Variants in C12orf42 observed in about 807,000 individuals in gnomAD.
C12orf42 encodes the protein uncharacterized protein C12orf42.
In C12orf42, 25 loss-of-function variants were observed where a neutral mutation model predicts 21.6. That is an observed-to-expected ratio of 1.16 (90% CI 0.84 to 1.62). The LOEUF (loss-of-function observed/expected upper bound fraction) is 1.62. Among genes scored for constraint, C12orf42 ranks in the 40% most tolerant of loss-of-function variants. C12orf42 has a pLI of 0.00. For synonymous variants in C12orf42, 174 were observed against 175.0 expected, an observed-to-expected ratio of 0.99 and a Z score of 0.05; for missense variants, 483 against 459.3, an observed-to-expected ratio of 1.05 and a Z score of -0.47.
chr12:103,129,666 A>G, the C12orf42 span, among the ~76,000 whole-genome samples: 1 of 152,120 alleles, frequency 6.6e-6, no homozygotes, highest in Non-Finnish European at 1.5e-5. Flanking sequence ...TTAAACACTC[A>G]TTTAAGGCAT....
intron 2 of C12orf42, among the ~76,000 whole-genome samples, chr12:103,469,418 C>T (rs1303945854): frequency 2.0e-5 from 3 of 152,206 alleles, no homozygotes; most frequent in African/African-American, 4.8e-5. Context: ...ATCTAGACAT[C>T]TTGATGCAGT....
At chr12:103,188,420 T>C in the C12orf42 span, among the ~76,000 whole-genome samples, 1 of 152,198 alleles carries the variant, frequency 6.6e-6, no homozygotes, top group Admixed American at 6.5e-5. Flanking sequence ...ATATTTGTTG[T>C]CTTTTCTTTC....
the C12orf42 span, among the ~76,000 whole-genome samples, chr12:103,506,865 T>TTAA: frequency 1.5e-5 from 1 of 67,290 alleles, no homozygotes; most frequent in Non-Finnish European, 2.7e-5. Context: ...ATATTATATA[T>TTAA]ATATATTTAT....
At chr12:103,317,668 A>G (rs866195575) in intron 4 of C12orf42, among the ~76,000 whole-genome samples, 19 of 152,042 alleles carry the variant, frequency 1.2e-4, no homozygotes, top group Admixed American at 3.9e-4. Flanking sequence ...GTCTTCTCCA[A>G]TTTTAATAAG....
the C12orf42 span, among the ~76,000 whole-genome samples, chr12:103,139,030 C>T: frequency 1.3e-5 from 2 of 152,130 alleles, no homozygotes; most frequent in Non-Finnish European, 2.9e-5. Flanking sequence ...GAACAGTGCC[C>T]TTGTCTTGTG....
chr12:103,169,100 G>A, the C12orf42 span, among the ~76,000 whole-genome samples: 3 of 151,736 alleles, frequency 2.0e-5, no homozygotes, highest in Admixed American at 6.6e-5. Flanking sequence ...CATGGCATGT[G>A]TATACCTATG....
At chr12:103,453,305 C>G (rs1952074974) in intron 2 of C12orf42, among the ~76,000 whole-genome samples, 1 of 151,408 alleles carries the variant, frequency 6.6e-6, no homozygotes, top group South Asian at 2.1e-4. Context: ...TTATATTATT[C>G]TAGAATTTTT....
At chr12:103,462,503 G>A (rs1952806173) in intron 2 of C12orf42, among the ~76,000 whole-genome samples, 1 of 152,104 alleles carries the variant, frequency 6.6e-6, no homozygotes, top group Admixed American at 6.6e-5. Flanking sequence ...TAACATCATA[G>A]GTGGTTGCTG....
chr12:103,264,272 G>A (rs1032844387), downstream of C12orf42, among the ~76,000 whole-genome samples: 3 of 145,588 alleles, frequency 2.1e-5, no homozygotes, highest in African/African-American at 8.3e-5. Context: ...TACTGTGGCT[G>A]TAAAACAAAT....
chr12:103,067,926 G>A, the C12orf42 span, among the ~76,000 whole-genome samples: 638 of 152,314 alleles, frequency 4.2e-3, 1 homozygote, highest in Non-Finnish European at 6.6e-3. Context: ...AGATTCATTA[G>A]GGCGTCTCTT....
chr12:103,423,647 T>G (rs547861863), intron 2 of C12orf42, among the ~76,000 whole-genome samples: 1 of 152,334 alleles, frequency 6.6e-6, no homozygotes, highest in East Asian at 1.9e-4. Context: ...GCAGCATTCC[T>G]TGGAGCAGAT....
the C12orf42 span, among the ~76,000 whole-genome samples, chr12:103,526,376 T>C: frequency 6.6e-6 from 1 of 152,206 alleles, no homozygotes; most frequent in African/African-American, 2.4e-5. Flanking sequence ...GTTTCTATCA[T>C]TGCACGAGTT....
chr12:103,352,682 G>T (rs532693601), intron 4 of C12orf42, among the ~76,000 whole-genome samples: 1 of 152,092 alleles, frequency 6.6e-6, no homozygotes, highest in Non-Finnish European at 1.5e-5. Flanking sequence ...AAACAAACAG[G>T]CTTCAGGCAT....
the C12orf42 span, among the ~76,000 whole-genome samples, chr12:103,100,065 T>C: frequency 6.6e-6 from 1 of 152,248 alleles, no homozygotes; most frequent in Non-Finnish European, 1.5e-5. Context: ...TGATTCTCCA[T>C]ATTGCATGTA....
chr12:103,530,186 C>T, the C12orf42 span, among the ~76,000 whole-genome samples: 25 of 152,166 alleles, frequency 1.6e-4, no homozygotes, highest in Non-Finnish European at 3.7e-4. Flanking sequence ...AGAAGGTAAG[C>T]TATGCCAGAA....
At chr12:103,325,333 C>T (rs1052908197) in intron 4 of C12orf42, among the ~76,000 whole-genome samples, 5 of 152,202 alleles carry the variant, frequency 3.3e-5, no homozygotes, top group Admixed American at 1.3e-4. Context: ...TTAGGCTCTG[C>T]GGCCCCACAC....
At position 103,281,965 on chromosome 12, in the gene C12orf42, G is replaced by GAAAGAA. The variant is rs1566016350; in HGVS notation, n.338-4756_338-4755insTTCTTT. Among the ~76,000 whole-genome samples, 488 of 113,836 alleles carry GAAAGAA rather than the reference G, an allele frequency of 4.3e-3. 4 individuals are homozygous for GAAAGAA. Among genetic ancestry groups the GAAAGAA allele is most frequent in the African/African-American group, 0.015 (457 of 31,104 alleles). The allele number at this position is 113,836 out of a possible 152,430, so 74.7% of individuals were successfully genotyped here. ...AAAGAAAGAAAGAAAGAAAGAAAGA[G>GAAAGAA]ATCGATCCTAAAATTTCTTGATATT... On this transcript the variant is annotated intron_variant and non_coding_transcript_variant, in intron 4 of 6. Coordinates refer to the C12orf42 transcript ENST00000546526.
chr12:103,379,462 C>A (rs533355147), intron 3 of C12orf42, among the ~76,000 whole-genome samples: 2,026 of 152,228 alleles, frequency 0.013, 44 homozygotes, highest in African/African-American at 0.046. Flanking sequence ...AAAAAAAATA[C>A]TAACTTGGGA....
chr12:103,518,431 G>A, the C12orf42 span, among the ~76,000 whole-genome samples: 3 of 152,108 alleles, frequency 2.0e-5, no homozygotes, highest in Non-Finnish European at 4.4e-5. Flanking sequence ...CCCAGATGAA[G>A]TGGACACCAT....
Sources: allele counts gnomAD v4.1 joint callset (sites outside exome capture counted in the v4.1 genomes callset), GRCh38; gene constraint gnomAD v4.1.1; transcripts MANE v1.5; gene names NCBI Gene and HGNC (gene_info 2026-07-23, HGNC 2026-07-21).